The following OR6Y1 variants were observed in gnomAD, a reference collection of about 807,000 sequenced individuals.
The protein encoded by OR6Y1 is olfactory receptor family 6 subfamily Y member 1, also known as olfactory receptor 6Y1.
A neutral mutation model predicts 0.4 loss-of-function variants in OR6Y1; 1 was observed. The observed-to-expected ratio is 2.74, with a 90% confidence interval of 0.97 to 13.02. OR6Y1 has a LOEUF of 13.02. OR6Y1 is among the 30% of genes most tolerant of loss of function. The pLI is 0.12. For missense variants in OR6Y1, 480 were observed against 399.8 expected (o/e 1.20, Z -1.71); for synonymous variants, 173 against 141.1 (o/e 1.23, Z -1.60).
intron 1 of OR6Y1, among the ~76,000 whole-genome samples, chr1:158,550,233 T>C (rs535204918): frequency 1.3e-5 from 1 of 74,124 alleles, no homozygotes; most frequent in South Asian, 3.8e-4. Context: ...GCAATAGATA[T>C]TGTCATTCTT....
At position 158,547,124 on chromosome 1, in the gene OR6Y1, T is replaced by C. The variant is rs780733238; in HGVS notation, c.*4A>G. On this transcript the variant is annotated 3_prime_UTR_variant, in exon 2 of 2. Coordinates refer to ENST00000641622, the MANE Select transcript of OR6Y1 (RefSeq NM_001005189.2). ...TTCAAGCCTGAAAGGAATCTATACA[T>C]TTTTTAACTACTGAAAGCCCCATTT... 6.2e-7 allele frequency: 1 copy of C among 1,608,504 alleles called. No individual in the cohort carries two copies. Among genetic ancestry groups the C allele is most frequent in the Non-Finnish European group, 8.5e-7 (1 of 1,177,982 alleles).
chr1:158,548,250 G>T lies in OR6Y1; in HGVS notation c.-145C>A. 1.3e-6 allele frequency: 1 copy of T among 742,218 alleles called. No homozygotes were observed. The allele number at this position is 742,218 out of a possible 1,614,324, so 46.0% of individuals were successfully genotyped here. ...TTTATCTTACTGCCTCTTGAATTAT[G>T]AAGAGAACCAAAGCTTTTGAGAAAA... On this transcript the variant is annotated 5_prime_UTR_variant, in exon 2 of 2. Transcript: ENST00000641622.
rs1442143161 is a variant in OR6Y1, at chr1:158,549,194, A to G, written c.-1089T>C. ...ATCAGAGAAAACAAGCAAGAATTCT[A>G]TTAGTGACTCTTCTGCATTTCTGTT... On this transcript the variant is annotated 5_prime_UTR_variant, in exon 2 of 2. Transcript: ENST00000641622. 1.3e-5 allele frequency: 2 copies of G among 151,824 alleles called. No homozygotes were observed. The highest frequency in any genetic ancestry group is 1.9e-4 in the East Asian group (1 of 5,196). 9.4% of individuals were successfully genotyped at this position (151,824 alleles called of 1,614,324 possible). A position where few individuals can be genotyped will look rare whatever the true frequency, so the allele number is the denominator to read the frequency against.
At position 158,546,765 on chromosome 1, in the gene OR6Y1, T is replaced by C. The variant is rs1397622850; in HGVS notation, c.*363A>G. 5.7e-6 allele frequency: 1 copy of C among 175,950 alleles called. No individual in the cohort carries two copies. Among genetic ancestry groups the C allele is most frequent in the Non-Finnish European group, 1.2e-5 (1 of 82,164 alleles). 10.9% of individuals were successfully genotyped at this position (175,950 alleles called of 1,614,324 possible). A position where few individuals can be genotyped will look rare whatever the true frequency, so the allele number is the denominator to read the frequency against. ...AGATGAACGATGGTTTTATTCTTTATATTTAATTGTTTGTCCTGTATGGCA... is the reference window on the plus strand; with the variant it reads ...AGATGAACGATGGTTTTATTCTTTACATTTAATTGTTTGTCCTGTATGGCA... On this transcript the variant is annotated 3_prime_UTR_variant, in exon 2 of 2. Coordinates refer to ENST00000641622, the MANE Select transcript of OR6Y1 (RefSeq NM_001005189.2).
At position 158,548,048 on chromosome 1, in the gene OR6Y1, G is replaced by A. The variant is rs780411203; in HGVS notation, c.58C>T (p.Leu20=). Residue 20 remains leucine (L), a synonymous_variant, in exon 2 of 2, where the codon CTG becomes TTG. Coordinates refer to ENST00000641622, the MANE Select transcript of OR6Y1 (RefSeq NM_001005189.2). ...AAGGCTGGTCGTGTTGGAAACCCCAGAAGAATGAAACGTGTTGTCACTGTA... is the reference window on the plus strand; with the variant it reads ...AAGGCTGGTCGTGTTGGAAACCCCAAAAGAATGAAACGTGTTGTCACTGTA... ...NHTVTTRFIL[L]GFPTRPAFQL... The A allele has an allele frequency of 4.3e-6, 7 of 1,613,570 alleles. No individual in the cohort carries two copies. In the South Asian group the frequency reaches 7.7e-5, roughly 18 times the overall value.
chr1:158,550,071 T>C (rs188477076), intron 1 of OR6Y1, among the ~76,000 whole-genome samples: 1 of 151,884 alleles, frequency 6.6e-6, no homozygotes, highest in East Asian at 1.9e-4. Flanking sequence ...TGTCTATTTT[T>C]TAAAAATATT....
rs1468717071 is a variant in OR6Y1 at position 158,548,133 on chromosome 1, G to T, written c.-28C>A. 2 of 1,593,376 alleles carry T rather than the reference G, an allele frequency of 1.3e-6. No individual in the cohort carries two copies. Among genetic ancestry groups the T allele is most frequent in the Non-Finnish European group, 1.7e-6 (2 of 1,171,676 alleles). The stretch of plus-strand genomic sequence containing the variant: ...CTGGCTGTGGGCACAGACAAAGTCA[G>T]TTCCTTCCATGACACAAGCACTAGT... On this transcript the variant is annotated 5_prime_UTR_variant, in exon 2 of 2. In the 5' UTR this introduces an upstream ATG that the reference lacks. Coordinates refer to ENST00000641622, the MANE Select transcript of OR6Y1 (RefSeq NM_001005189.2).
In OR6Y1 at chr1:158,547,176, T is replaced by C; in HGVS notation, c.930A>G (p.Ile310Met). ...HEVKAALRKTIHCRGSGPQGN... is the reference protein window; with the variant it reads ...HEVKAALRKTMHCRGSGPQGN... ...CCTGGGGCCCACTTCCTCTGCAATG[T>C]ATGGTCTTTCTGAGGGCTGCCTTTA... Residue 310 changes from isoleucine to methionine, a missense_variant, in exon 2 of 2, where the codon ATA becomes ATG. Transcript: ENST00000641622. 6.2e-7 allele frequency: 1 copy of C among 1,613,528 alleles called. No individual in the cohort carries two copies. Among genetic ancestry groups the C allele is most frequent in the Non-Finnish European group, 8.5e-7 (1 of 1,179,918 alleles).
intron 1 of OR6Y1, among the ~76,000 whole-genome samples, chr1:158,550,415 A>G (rs16840317): frequency 0.022 from 3,405 of 151,518 alleles, 223 homozygotes; most frequent in African/African-American, 0.078. Context: ...ACAAGGAAAT[A>G]AAAAGGAAAG....
chr1:158,551,924 ATT>A (rs960228679), intron 1 of OR6Y1, among the ~76,000 whole-genome samples: 4 of 148,962 alleles, frequency 2.7e-5, no homozygotes, highest in Non-Finnish European at 5.9e-5. Flanking sequence ...ACTTTGCCTG[ATT>A]TTTTCCAGGA....
chr1:158,554,134 A>C (rs1377083298), intron 1 of OR6Y1, 132 bp downstream of exon 1: 1 of 152,218 alleles, frequency 6.6e-6, no homozygotes, highest in Non-Finnish European at 1.5e-5. Flanking sequence ...AATAAAATAA[A>C]ATTTTGGATG....
intron 1 of OR6Y1, among the ~76,000 whole-genome samples, chr1:158,553,828 G>T (rs1032580941): frequency 1.3e-5 from 2 of 152,106 alleles, no homozygotes; most frequent in Non-Finnish European, 2.9e-5. Flanking sequence ...GCAGAGTTGG[G>T]CAGATGCATT....
In OR6Y1 at chr1:158,547,964, G is replaced by A; in HGVS notation, c.142C>T (p.Leu48Phe). ...ATYLLTLLENLLIILAIHSDG... is the reference protein window; with the variant it reads ...ATYLLTLLENFLIILAIHSDG... ...CTGTGGATAGCTAAGATGATAAGAAGATTCTCCAGCAGTGTCAGCAGATAG... is the reference window on the plus strand; with the variant it reads ...CTGTGGATAGCTAAGATGATAAGAAAATTCTCCAGCAGTGTCAGCAGATAG... Residue 48 changes from leucine (L) to phenylalanine (F), a missense_variant, in exon 2 of 2, where the codon CTT (leucine) becomes TTT (phenylalanine). Transcript: ENST00000641622. 6.2e-7 allele frequency: 1 copy of A among 1,613,538 alleles called. No homozygotes were observed. Among genetic ancestry groups the A allele is most frequent in the East Asian group, 2.2e-5 (1 of 44,866 alleles).
Position 158,545,454 on chromosome 1 carries a change from G to T in OR6Y1, c.*1674C>A, listed in dbSNP as rs970131291. The T allele has an allele frequency of 1.9e-4, 29 of 150,754 alleles. No individual in the cohort carries two copies. Among genetic ancestry groups the T allele is most frequent in the Non-Finnish European group, 4.0e-4 (27 of 67,836 alleles). The allele number at this position is 150,754 out of a possible 1,614,324, so 9.3% of individuals were successfully genotyped here. ...TAACAAACCTGCACGTTGTGCACAT[G>T]TACCCTAAAACTTAAAGTATAATAA... is the stretch of plus-strand genomic sequence containing the variant. On this transcript the variant is annotated 3_prime_UTR_variant, in exon 2 of 2. Coordinates refer to ENST00000641622, the MANE Select transcript of OR6Y1 (RefSeq NM_001005189.2).
Position 158,548,287 on chromosome 1 carries a change from G to T in OR6Y1, c.-182C>A. ...AGCTTTTGAGAAAAGATGGAATTTA[G>T]GGAGCTTATATTTTAACTTGTTTTC... On this transcript the variant is annotated 5_prime_UTR_variant, in exon 2 of 2. Coordinates refer to ENST00000641622, the MANE Select transcript of OR6Y1 (RefSeq NM_001005189.2). The T allele has an allele frequency of 1.7e-6, 1 of 589,342 alleles. No individual in the cohort carries two copies. Among genetic ancestry groups the T allele is most frequent in the South Asian group, 2.5e-5 (1 of 40,192 alleles). 36.5% of individuals were successfully genotyped at this position (589,342 alleles called of 1,614,324 possible). A position where few individuals can be genotyped will look rare whatever the true frequency, so the allele number is the denominator to read the frequency against.
In OR6Y1 at chr1:158,547,835, G is replaced by GGAAGT. The variant is rs1192886086; in HGVS notation, c.266_270dup (p.Leu91ThrfsTer15). On this transcript the variant is annotated frameshift_variant, in exon 2 of 2. Transcript: ENST00000641622. LOFTEE classifies it high-confidence loss of function. ...AAGGAAATACTCTTGTCATGACTGA[G>GGAAGT]GAAGTCAACAAGCATCTTGGGGCTG... The GGAAGT allele has an allele frequency of 1.7e-5, 27 of 1,613,488 alleles. No homozygotes were observed. Among genetic ancestry groups the GGAAGT allele is most frequent in the Non-Finnish European group, 2.3e-5 (27 of 1,180,010 alleles).
Position 158,547,135 on chromosome 1 carries a change from C to T in OR6Y1, c.971G>A (p.Ser324Asn). 1 of 1,611,144 alleles carries T rather than the reference C, an allele frequency of 6.2e-7. No individual in the cohort carries two copies. The highest frequency in any genetic ancestry group is 1.3e-5 in the African/African-American group (1 of 74,320). ...AAGGAATCTATACATTTTTTAACTA[C>T]TGAAAGCCCCATTTCCCTGGGGCCC... Reference protein sequence around the residue: ...GSGPQGNGAFSS With the variant: ...GSGPQGNGAFNS Residue 324 changes from serine to asparagine, a missense_variant, in exon 2 of 2, where the codon AGT becomes AAT. Transcript: ENST00000641622.
At position 158,552,134 on chromosome 1, in the gene OR6Y1, T is replaced by C. The variant is rs1297582166; in HGVS notation, c.-1433+2132A>G. ...AAATAGCTGTAAGGTCCATTAAACC[T>C]CCAATTGCCCCCCTCATCACCCCCA... On this transcript the variant is annotated intron_variant, in intron 1 of 1. Transcript: ENST00000641622. Among the ~76,000 whole-genome samples the C allele has an allele frequency of 5.3e-5, 8 of 151,580 alleles. No individual in the cohort carries two copies. The East Asian group carries it at 1.5e-3, about 29-fold the overall frequency.
At chr1:158,549,706 A>T (rs1272988479) in intron 1 of OR6Y1, among the ~76,000 whole-genome samples, 169 bp from the exon 2 acceptor site, 5 of 151,842 alleles carry the variant, frequency 3.3e-5, no homozygotes, top group African/African-American at 1.2e-4. Flanking sequence ...AAACACACAC[A>T]CAGTCAACAC....
Sources: allele counts gnomAD v4.1 joint callset (sites outside exome capture counted in the v4.1 genomes callset), GRCh38; gene constraint gnomAD v4.1.1; transcripts MANE v1.5; gene names NCBI Gene and HGNC (gene_info 2026-07-23, HGNC 2026-07-21).